TAB2: variants seen among roughly 807,000 people sequenced by gnomAD.
TAB2 encodes the protein TGF-beta activated kinase 1 (MAP3K7) binding protein 2, also known as TGF-beta-activated kinase 1 and MAP3K7-binding protein 2.
A neutral mutation model predicts 65.0 loss-of-function variants in TAB2; 3 were observed. That is an observed-to-expected ratio of 0.05 (90% CI 0.02 to 0.12). TAB2 has a LOEUF of 0.12. Among genes scored for constraint, TAB2 ranks in the 10% least tolerant of loss-of-function variants. TAB2 has a pLI of 1.00. For synonymous variants in TAB2, 298 were observed against 285.1 expected (o/e 1.05, Z -0.46); for missense variants, 623 against 840.3 (o/e 0.74, Z 3.20).
At chr6:149,234,865 A>G (rs950103751) in intron 1 of TAB2, among the ~76,000 whole-genome samples, 2 of 76,160 alleles carry the variant, frequency 2.6e-5, no homozygotes, top group Non-Finnish European at 4.6e-5. Flanking sequence ...AGAGAGTGTG[A>G]AAAAAAAAAA....
Position 149,286,978 on chromosome 6 carries a change from A to G in TAB2, c.-121+68202A>G, listed in dbSNP as rs143024171. 1.0e-3 allele frequency among the ~76,000 whole-genome samples: 159 copies of G among 152,156 alleles called. 2 individuals carry two copies. Among genetic ancestry groups the G allele is most frequent in the African/African-American group, 3.6e-3 (151 of 41,516 alleles). Reference sequence around the variant, plus strand: ...TAAAAAATAAAAAAATTAGCCAAGAATGGTGGTAAGCATCTGTAATCTCAG... The same window carrying G: ...TAAAAAATAAAAAAATTAGCCAAGAGTGGTGGTAAGCATCTGTAATCTCAG... On this transcript the variant is annotated intron_variant, in intron 1 of 1. Transcript: ENST00000606202.
intron 1 of TAB2, among the ~76,000 whole-genome samples, chr6:149,287,649 T>G (rs191282624): frequency 1.3e-5 from 2 of 152,338 alleles, no homozygotes; most frequent in East Asian, 3.9e-4. Flanking sequence ...CTCAGTCAGT[T>G]TGTTACTGAA....
At chr6:149,262,354 G>A (rs1323522568) in intron 1 of TAB2, among the ~76,000 whole-genome samples, 5 of 152,130 alleles carry the variant, frequency 3.3e-5, no homozygotes, top group African/African-American at 1.2e-4. Flanking sequence ...CCAACATGGT[G>A]AAACCCCGTC....
intron 1 of TAB2, among the ~76,000 whole-genome samples, chr6:149,334,783 T>C (rs566564228): frequency 6.6e-6 from 1 of 152,172 alleles, no homozygotes; most frequent in Admixed American, 6.5e-5. Flanking sequence ...GACATTGTGG[T>C]GGAAAAGAGA....
chr6:149,224,036 C>A (rs150855995), intron 1 of TAB2, among the ~76,000 whole-genome samples: 8 of 152,314 alleles, frequency 5.3e-5, no homozygotes, highest in African/African-American at 1.9e-4. Context: ...AAAACTTCAT[C>A]TTTTCAGAAA....
chr6:149,256,476 G>A (rs1188059631), intron 1 of TAB2, among the ~76,000 whole-genome samples: 1 of 152,122 alleles, frequency 6.6e-6, no homozygotes, highest in Non-Finnish European at 1.5e-5. Context: ...TAACACAAAT[G>A]TTCTCCCCTT....
chr6:149,300,119 G>A (rs1336635612), intron 1 of TAB2, among the ~76,000 whole-genome samples: 1 of 152,024 alleles, frequency 6.6e-6, no homozygotes, highest in African/African-American at 2.4e-5. Context: ...TAACGATATA[G>A]GAACAGTATC....
intron 1 of TAB2, among the ~76,000 whole-genome samples, chr6:149,322,858 TAAGGAAAGTTTTTGCAAAGATAAA>T (rs1266660516): frequency 1.3e-5 from 2 of 152,200 alleles, no homozygotes; most frequent in East Asian, 3.8e-4. Flanking sequence ...TACAAATTAT[TAAGGAAAGTTTTTGCAAAGATAAA>T]ATAACTCAAA....
rs1477682388 is a variant in TAB2 at position 149,318,011 on chromosome 6, A to G, written c.-94A>G. The G allele has an allele frequency of 5.9e-6, 1 of 170,634 alleles. No homozygotes were observed. The highest frequency in any genetic ancestry group is 1.2e-5 in the Non-Finnish European group (1 of 80,310). The allele number at this position is 170,634 out of a possible 1,614,324, so 10.6% of individuals were successfully genotyped here. ...AGGAGGAGGGGGAAGCGGCGGCGGC[A>G]AAGGGTAAGCGGACAGCGCTGCCGG... On this transcript the variant is annotated 5_prime_UTR_variant, in exon 1 of 7. Transcript: ENST00000637181.
intron 1 of TAB2, among the ~76,000 whole-genome samples, chr6:149,309,361 A>G (rs1182025628): frequency 6.6e-6 from 1 of 151,234 alleles, no homozygotes; most frequent in Non-Finnish European, 1.5e-5. Flanking sequence ...GTGGTCAAGT[A>G]TGTCATACCA....
At chr6:149,227,821 T>C (rs1349566389) in intron 1 of TAB2, among the ~76,000 whole-genome samples, 1 of 152,168 alleles carries the variant, frequency 6.6e-6, no homozygotes, top group Non-Finnish European at 1.5e-5. Flanking sequence ...TGATCATTGT[T>C]ATTACTGGGT....
At chr6:149,276,838 C>A (rs1778483006) in intron 1 of TAB2, among the ~76,000 whole-genome samples, 2 of 152,252 alleles carry the variant, frequency 1.3e-5, no homozygotes, top group African/African-American at 4.8e-5. Flanking sequence ...CACATATATG[C>A]TGATATGGTT....
chr6:149,376,601 C>T (rs1781405896), intron 2 of TAB2, among the ~76,000 whole-genome samples: 1 of 152,180 alleles, frequency 6.6e-6, no homozygotes. Context: ...ACCATCAGGC[C>T]ATACCTTCCT....
upstream of TAB2, among the ~76,000 whole-genome samples, chr6:149,218,411 A>G (rs1027930531): frequency 6.6e-5 from 10 of 152,214 alleles, no homozygotes; most frequent in Non-Finnish European, 1.2e-4. Context: ...CAAAAAAGAG[A>G]CTCATTTGGA....
intron 6 of TAB2, 22 bp downstream of exon 6, chr6:149,399,206 G>A (rs1583159728): frequency 6.2e-7 from 1 of 1,605,918 alleles, no homozygotes; most frequent in East Asian, 2.2e-5. Context: ...CATTAAATGT[G>A]AAAACTGTTA....
intron 1 of TAB2, among the ~76,000 whole-genome samples, chr6:149,331,386 G>A (rs929496934): frequency 6.6e-6 from 1 of 152,108 alleles, no homozygotes; most frequent in Non-Finnish European, 1.5e-5. Flanking sequence ...CAGTATGGTT[G>A]GTTGATTTCT....
intron 1 of TAB2, among the ~76,000 whole-genome samples, chr6:149,271,209 A>G (rs6938146): frequency 0.02 from 2,983 of 152,100 alleles, 98 homozygotes; most frequent in African/African-American, 0.067. Context: ...CCTTATCTCT[A>G]AAAAATATAT....
In TAB2 at chr6:149,317,968, C is replaced by T; in HGVS notation, c.-137C>T. 1 of 168,558 alleles carries T rather than the reference C, an allele frequency of 5.9e-6. No homozygotes were observed. Among genetic ancestry groups the T allele is most frequent in the African/African-American group, 2.4e-5 (1 of 41,140 alleles). 10.4% of individuals were successfully genotyped at this position (168,558 alleles called of 1,614,324 possible). A position where few individuals can be genotyped will look rare whatever the true frequency, so the allele number is the denominator to read the frequency against. On this transcript the variant is annotated 5_prime_UTR_variant, in exon 1 of 7. Coordinates refer to ENST00000637181, the MANE Select transcript of TAB2 (RefSeq NM_001292034.3). The surrounding 1 kb of genome is among the most constrained non-coding windows in gnomAD (Gnocchi z 4.7). Reference sequence around the variant, plus strand: ...ACGGCTGCCCTAGTGGGAGAGGCGGCGGCGGCGGCGGCCGAGGAGGAGGAG... The same window carrying T: ...ACGGCTGCCCTAGTGGGAGAGGCGGTGGCGGCGGCGGCCGAGGAGGAGGAG...
At chr6:149,343,987 A>G (rs1780210325) in intron 1 of TAB2, among the ~76,000 whole-genome samples, 3 of 152,238 alleles carry the variant, frequency 2.0e-5, no homozygotes, top group Admixed American at 6.5e-5. Context: ...CTAATATTCT[A>G]GCATGTGCTT....
Sources: allele counts gnomAD v4.1 joint callset (sites outside exome capture counted in the v4.1 genomes callset), GRCh38; gene constraint gnomAD v4.1.1; non-coding constraint Gnocchi (gnomAD v3.1); transcripts MANE v1.5; gene names NCBI Gene and HGNC (gene_info 2026-07-23, HGNC 2026-07-21).